C8orf34: variants seen among roughly 807,000 people sequenced by gnomAD.
C8orf34 encodes the protein chromosome 8 open reading frame 34, also known as uncharacterized protein C8orf34.
A neutral mutation model predicts 68.3 loss-of-function variants in C8orf34; 65 were observed. The ratio of observed to expected loss-of-function variants is 0.95; its 90% confidence interval spans 0.78 to 1.17. C8orf34 has a LOEUF of 1.17. Among genes scored for constraint, C8orf34 ranks in the 50% most tolerant of loss-of-function variants. The probability of loss-of-function intolerance (pLI) is 0.00; values close to 1 mark genes in which losing one functional copy is unlikely to be tolerated. For synonymous variants in C8orf34, 244 were observed against 241.2 expected, an observed-to-expected ratio of 1.01 and a Z score of -0.11; for missense variants, 664 against 655.4, an observed-to-expected ratio of 1.01 and a Z score of -0.14.
intron 7 of C8orf34, among the ~76,000 whole-genome samples, chr8:68,612,436 C>T (rs1818050315): frequency 6.6e-6 from 1 of 152,102 alleles, no homozygotes; most frequent in Non-Finnish European, 1.5e-5. Flanking sequence ...ACCACTAGAC[C>T]ATATCACCTT....
chr8:68,791,818 C>A (rs1585889655), intron 12 of C8orf34: 1 of 152,146 alleles, frequency 6.6e-6, no homozygotes, highest in South Asian at 2.1e-4. Context: ...GAGCCTGTCA[C>A]CTGCAAGGAC....
At chr8:68,345,174 A>G (rs370642305) in intron 1 of C8orf34, among the ~76,000 whole-genome samples, 10 of 152,150 alleles carry the variant, frequency 6.6e-5, no homozygotes, top group East Asian at 3.9e-4. Flanking sequence ...TCTGTATAAA[A>G]GACACACCAG....
rs573171510 is a variant in C8orf34 at position 68,716,020 on chromosome 8, C to A, written c.1328-5341C>A. On this transcript the variant is annotated intron_variant, in intron 9 of 13. Coordinates refer to ENST00000518698, the MANE Select transcript of C8orf34 (RefSeq NM_052958.4). ...ACAAAATAATGACATTTACAGCAAC[C>A]TGGACAGAATTGGAGACTATTATTC... 9.2e-5 allele frequency among the ~76,000 whole-genome samples: 14 copies of A among 152,120 alleles called. No individual in the cohort carries two copies. In the East Asian group the frequency reaches 2.7e-3, roughly 29 times the overall value.
At chr8:68,655,310 A>G (rs1253614087) in intron 8 of C8orf34, among the ~76,000 whole-genome samples, 1 of 152,146 alleles carries the variant, frequency 6.6e-6, no homozygotes, top group Non-Finnish European at 1.5e-5. Context: ...ACATATAACT[A>G]TTTTTTAAAA....
intron 3 of C8orf34, among the ~76,000 whole-genome samples, chr8:68,459,614 A>C (rs1811703021): frequency 6.6e-6 from 1 of 152,186 alleles, no homozygotes; most frequent in Non-Finnish European, 1.5e-5. Flanking sequence ...TTCTCAAAAA[A>C]CTTAAAATAG....
rs1185389412 is a variant in C8orf34 at position 68,794,486 on chromosome 8, T to TATATATATATATATATATAA, written c.1549+6969_1549+6970insAATATATATATATATATATA. ...TGTGCCCAGTATATAAATATAAATA[T>TATATATATATATATATATAA]ATATATATATATATATATATTTTTT... is the stretch of plus-strand genomic sequence containing the variant. On this transcript the variant is annotated intron_variant, in intron 12 of 13. Coordinates refer to ENST00000518698, the MANE Select transcript of C8orf34 (RefSeq NM_052958.4). Among the ~76,000 whole-genome samples the TATATATATATATATATATAA allele has an allele frequency of 2.1e-5, 2 of 95,294 alleles. 1 individual carries two copies. Among genetic ancestry groups the TATATATATATATATATATAA allele is most frequent in the African/African-American group, 1.5e-4 (2 of 13,482 alleles). The allele number at this position is 95,294 out of a possible 152,430, so 62.5% of individuals were successfully genotyped here.
chr8:68,649,380 T>C (rs1322976740), intron 8 of C8orf34, among the ~76,000 whole-genome samples: 1 of 152,198 alleles, frequency 6.6e-6, no homozygotes. Context: ...GAATCAGACA[T>C]GCAAACAAGT....
At chr8:68,386,827 G>T (rs967459835) in intron 1 of C8orf34, among the ~76,000 whole-genome samples, 52 of 152,098 alleles carry the variant, frequency 3.4e-4, no homozygotes, top group African/African-American at 1.2e-3. Context: ...GGCACTGTAG[G>T]ATGTTTGGCA....
At chr8:68,650,475 G>A (rs1159133293) in intron 8 of C8orf34, among the ~76,000 whole-genome samples, 1 of 142,950 alleles carries the variant, frequency 7.0e-6, no homozygotes, top group Non-Finnish European at 1.5e-5. Flanking sequence ...CCCCACCCTA[G>A]TCTTTTTTTT....
intron 4 of C8orf34, among the ~76,000 whole-genome samples, chr8:68,486,311 C>T (rs929211003): frequency 6.6e-6 from 1 of 152,124 alleles, no homozygotes; most frequent in Non-Finnish European, 1.5e-5. Context: ...CAGCCCAGCT[C>T]CAATGCCAGC....
chr8:68,485,076 C>T (rs1288687145), intron 4 of C8orf34, among the ~76,000 whole-genome samples: 2 of 152,174 alleles, frequency 1.3e-5, no homozygotes, highest in South Asian at 2.1e-4. Context: ...TACTGAAATA[C>T]ATCTTCAAAG....
rs532389791 is a variant in C8orf34, at chr8:68,537,462, T to A, written c.1105+4313T>A. Among the ~76,000 whole-genome samples the A allele has an allele frequency of 9.1e-3, 1,335 of 145,910 alleles. 19 individuals are homozygous for A. Among genetic ancestry groups the A allele is most frequent in the African/African-American group, 0.034 (1,273 of 37,626 alleles). ...GAAATCTAAGGACTTTCTTTTTATT[T>A]TCTTTTTTTTTTTAAAGAGATCAAG... is the stretch of plus-strand genomic sequence containing the variant. On this transcript the variant is annotated intron_variant, in intron 7 of 13. Coordinates refer to ENST00000518698, the MANE Select transcript of C8orf34 (RefSeq NM_052958.4).
intron 1 of C8orf34, among the ~76,000 whole-genome samples, chr8:68,372,507 G>C (rs551863037): frequency 6.6e-6 from 1 of 152,118 alleles, no homozygotes; most frequent in Non-Finnish European, 1.5e-5. Context: ...GGTGGGCCAA[G>C]GGGTTATATT....
At chr8:68,408,791 T>G (rs1809315653) in intron 1 of C8orf34, among the ~76,000 whole-genome samples, 1 of 151,554 alleles carries the variant, frequency 6.6e-6, no homozygotes, top group African/African-American at 2.4e-5. Context: ...TTGTTTTTTG[T>G]TTTGTTTTGT....
chr8:68,644,310 T>A (rs1367246181), intron 8 of C8orf34, among the ~76,000 whole-genome samples: 1 of 152,102 alleles, frequency 6.6e-6, no homozygotes. Context: ...GTCTTTAGGA[T>A]AATCAATGAT....
chr8:68,470,915 C>A (rs546717265), intron 4 of C8orf34, among the ~76,000 whole-genome samples: 1 of 152,214 alleles, frequency 6.6e-6, no homozygotes, highest in Admixed American at 6.5e-5. Context: ...AGGACACCAA[C>A]ATTCAGATCA....
chr8:68,602,513 C>T (rs557948257), intron 7 of C8orf34, among the ~76,000 whole-genome samples: 13 of 152,088 alleles, frequency 8.5e-5, no homozygotes, highest in South Asian at 8.3e-4. Context: ...AACTTACTCA[C>T]CATCACGAGA....
At chr8:68,622,292 T>A (rs1402017969) in intron 7 of C8orf34, among the ~76,000 whole-genome samples, 1 of 152,178 alleles carries the variant, frequency 6.6e-6, no homozygotes, top group Non-Finnish European at 1.5e-5. Context: ...GACAGCATTC[T>A]TCAGTTAAAA....
At chr8:68,406,551 C>T (rs561992992) in intron 1 of C8orf34, among the ~76,000 whole-genome samples, 1 of 152,076 alleles carries the variant, frequency 6.6e-6, no homozygotes, top group South Asian at 2.1e-4. Context: ...GGCTAGAGTG[C>T]AGTGGCGTGA....
Sources: allele counts gnomAD v4.1 joint callset (sites outside exome capture counted in the v4.1 genomes callset), GRCh38; gene constraint gnomAD v4.1.1; transcripts MANE v1.5; gene names NCBI Gene and HGNC (gene_info 2026-07-23, HGNC 2026-07-21).